The following ADGRL2 variants were observed in gnomAD, a reference collection of about 807,000 sequenced individuals.
ADGRL2 encodes calcium-independent alpha-latrotoxin receptor 2.
A neutral mutation model predicts 157.4 loss-of-function variants in ADGRL2; 44 were observed. The ratio of observed to expected loss-of-function variants is 0.28; its 90% CI spans 0.22 to 0.36. ADGRL2 has a LOEUF of 0.36. ADGRL2 is among the 10% of genes least tolerant of loss of function. The pLI is 1.00. For synonymous variants in ADGRL2, 585 were observed against 624.7 expected, an observed-to-expected ratio of 0.94 and a Z score of 0.95; for missense variants, 1,510 against 1,768.9, an observed-to-expected ratio of 0.85 and a Z score of 2.63.
chr1:81,398,168 T>C (rs1216110421), intron 1 of ADGRL2, among the ~76,000 whole-genome samples: 1 of 152,204 alleles, frequency 6.6e-6, no homozygotes, highest in African/African-American at 2.4e-5. Context: ...GAATATCTTT[T>C]TCCATCCCTT....
At chr1:81,928,958 A>G (rs2095169712) in intron 3 of ADGRL2, among the ~76,000 whole-genome samples, 1 of 152,196 alleles carries the variant, frequency 6.6e-6, no homozygotes, top group African/African-American at 2.4e-5. Context: ...TAATGAATAA[A>G]TAGCCACTAA....
intron 1 of ADGRL2, among the ~76,000 whole-genome samples, chr1:81,397,574 C>A (rs2101203411): frequency 6.6e-6 from 1 of 152,160 alleles, no homozygotes; most frequent in South Asian, 2.1e-4. Flanking sequence ...CCACCTCGGC[C>A]TCCCAAAGTG....
chr1:81,676,992 C>CTT (rs576001428), intron 3 of ADGRL2, among the ~76,000 whole-genome samples: 1,495 of 131,848 alleles, frequency 0.011, 34 homozygotes, highest in African/African-American at 0.04. Flanking sequence ...TTGGATTATT[C>CTT]TTTTTTTTTT....
At chr1:81,440,615 C>A (rs775602805) in intron 1 of ADGRL2, among the ~76,000 whole-genome samples, 1 of 152,142 alleles carries the variant, frequency 6.6e-6, no homozygotes, top group Non-Finnish European at 1.5e-5. Context: ...CCTACAGTTC[C>A]AGCTACTTAC....
intron 18 of ADGRL2, chr1:81,980,884 T>C (rs1199726040): frequency 4.8e-6 from 3 of 627,536 alleles, no homozygotes; most frequent in Non-Finnish European, 3.0e-6. Flanking sequence ...ATGATTTGTA[T>C]TTTTTACAAA....
intron 1 of ADGRL2, among the ~76,000 whole-genome samples, chr1:81,407,510 G>T (rs1347319724): frequency 1.3e-5 from 2 of 152,196 alleles, no homozygotes; most frequent in Non-Finnish European, 2.9e-5. Flanking sequence ...AAATGAAATG[G>T]TTCAAGCAGA....
chr1:81,349,856 A>AGGGAAAAAAAATCAAACAAC (rs1662755015), intron 1 of ADGRL2, among the ~76,000 whole-genome samples: 1 of 151,818 alleles, frequency 6.6e-6, no homozygotes, highest in Non-Finnish European at 1.5e-5. Flanking sequence ...GGAAGGCGGG[A>AGGGAAAAAAAATCAAACAAC]GGGAAAAAAA....
chr1:81,595,791 G>A (rs1570596344), intron 3 of ADGRL2, among the ~76,000 whole-genome samples: 1 of 152,302 alleles, frequency 6.6e-6, no homozygotes, highest in Non-Finnish European at 1.5e-5. Context: ...GAGTGTCTTA[G>A]TCCATTTGGG....
At chr1:81,987,053 C>T in intron 22 of ADGRL2, 24 bp downstream of exon 22, 1 of 1,607,034 alleles carries the variant, frequency 6.2e-7, no homozygotes, top group Non-Finnish European at 8.5e-7. Flanking sequence ...ACAAATAAAA[C>T]TACCTTTCTT....
intron 2 of ADGRL2, among the ~76,000 whole-genome samples, chr1:81,840,820 T>C (rs1041553426): frequency 6.6e-6 from 1 of 152,162 alleles, no homozygotes; most frequent in African/African-American, 2.4e-5. Flanking sequence ...TGTAAATATT[T>C]CTTATAATTG....
chr1:81,728,891 G>C (rs2149167030), intron 1 of ADGRL2, among the ~76,000 whole-genome samples: 1 of 152,170 alleles, frequency 6.6e-6, no homozygotes. Flanking sequence ...TCTTGGGGAG[G>C]TAACTGTCCT....
At chr1:81,670,086 T>C (rs1262502817) in intron 3 of ADGRL2, among the ~76,000 whole-genome samples, 2 of 152,162 alleles carry the variant, frequency 1.3e-5, no homozygotes, top group Admixed American at 1.3e-4. Context: ...CAGAGACTTT[T>C]TGTTTATTTC....
At chr1:81,976,416 T>G (rs972334857) in intron 17 of ADGRL2, among the ~76,000 whole-genome samples, 1 of 151,958 alleles carries the variant, frequency 6.6e-6, no homozygotes, top group Non-Finnish European at 1.5e-5. Context: ...TCTTTACATC[T>G]AGATATTAGT....
chr1:81,696,616 G>C (rs1170858429), upstream of ADGRL2, among the ~76,000 whole-genome samples: 1 of 152,112 alleles, frequency 6.6e-6, no homozygotes, highest in African/African-American at 2.4e-5. Flanking sequence ...GCCGGGTGTG[G>C]TGGCGGGCGC....
At chr1:81,902,977 A>C (rs2094515540) in intron 2 of ADGRL2, among the ~76,000 whole-genome samples, 1 of 152,208 alleles carries the variant, frequency 6.6e-6, no homozygotes, top group Non-Finnish European at 1.5e-5. Context: ...AAACAGAGCA[A>C]GTTGTTTATT....
intron 1 of ADGRL2, among the ~76,000 whole-genome samples, chr1:81,714,045 T>G (rs958572597): frequency 3.4e-4 from 52 of 152,266 alleles, no homozygotes; most frequent in African/African-American, 1.3e-3. Flanking sequence ...GAACTGCCCT[T>G]TATAAAACCA....
At chr1:81,560,784 A>G (rs2080422727) in intron 2 of ADGRL2, among the ~76,000 whole-genome samples, 1 of 152,034 alleles carries the variant, frequency 6.6e-6, no homozygotes, top group Non-Finnish European at 1.5e-5. Flanking sequence ...GAATCAGTAA[A>G]AGTTAATCCT....
intron 3 of ADGRL2, among the ~76,000 whole-genome samples, chr1:81,653,585 T>C (rs2082467758): frequency 6.6e-6 from 1 of 152,176 alleles, no homozygotes; most frequent in African/African-American, 2.4e-5. Flanking sequence ...ATGGGGTACA[T>C]ACCTACCAGA....
chr1:81,561,250 A>C (rs2080432979), intron 2 of ADGRL2, among the ~76,000 whole-genome samples: 1 of 151,824 alleles, frequency 6.6e-6, no homozygotes, highest in Non-Finnish European at 1.5e-5. Context: ...GCCCTCCCCC[A>C]CTAGAATTTA....
Sources: gnomAD v4.1 joint callset for allele counts (sites outside exome capture counted in the v4.1 genomes callset) on GRCh38, gnomAD v4.1.1 for gene constraint, MANE v1.5 for transcripts, NCBI Gene and HGNC (gene_info 2026-07-23, HGNC 2026-07-21) for gene names.